Variants in SBNO2 observed in about 807,000 individuals in gnomAD.
SBNO2 encodes strawberry notch homolog 2, also known as protein strawberry notch homolog 2.
In SBNO2, 89 loss-of-function variants were observed where a neutral mutation model predicts 146.3. The observed-to-expected ratio is 0.61, with a 90% CI of 0.51 to 0.73. SBNO2 has a LOEUF of 0.73. Ranked by LOEUF, SBNO2 falls within the 30% of genes least tolerant of loss-of-function variation. SBNO2 has a pLI of 0.00. For synonymous variants in SBNO2, 1,147 were observed against 892.6 expected, an observed-to-expected ratio of 1.29 and a Z score of -5.08; for missense variants, 2,092 against 2,003.7, an observed-to-expected ratio of 1.04 and a Z score of -0.84.
chr19:1,109,043 T>C lies in SBNO2; in HGVS notation c.3426-74A>G. 6.7e-7 allele frequency: 1 copy of C among 1,501,948 alleles called. No individual in the cohort carries two copies. Among genetic ancestry groups the C allele is most frequent in the Non-Finnish European group, 8.9e-7 (1 of 1,125,752 alleles). The allele number at this position is 1,501,948 out of a possible 1,614,324, so 93.0% of individuals were successfully genotyped here. Reference sequence around the variant, plus strand: ...CAGGCTCCCCAGGTGCCCTGAGATCTCCCGCCTCCTCTCAGGGTCTCGGGA... The same window carrying C: ...CAGGCTCCCCAGGTGCCCTGAGATCCCCCGCCTCCTCTCAGGGTCTCGGGA... On this transcript the variant is annotated intron_variant, in intron 30 of 31. Coordinates refer to ENST00000361757, the MANE Select transcript of SBNO2 (RefSeq NM_014963.3). The surrounding 1 kb of genome is among the most constrained non-coding windows in gnomAD (Gnocchi z 4.2).
chr19:1,115,878 G>A (rs1332310485), intron 17 of SBNO2, 143 bp downstream of exon 17: 1 of 727,136 alleles, frequency 1.4e-6, no homozygotes, highest in Non-Finnish European at 2.4e-6. Flanking sequence ...TGGCAGCGGA[G>A]CCTTGAGCCT....
At chr19:1,127,518 T>C in intron 5 of SBNO2, 86 bp downstream of exon 5, 2 of 1,298,154 alleles carry the variant, frequency 1.5e-6, no homozygotes, top group South Asian at 2.4e-5. Context: ...TGGGGGAGAC[T>C]GAGACCTCAC....
intron 4 of SBNO2, among the ~76,000 whole-genome samples, chr19:1,146,303 G>A (rs532444297): frequency 8.0e-4 from 122 of 152,202 alleles, no homozygotes; most frequent in African/African-American, 2.8e-3. Flanking sequence ...GCTCTGCTAC[G>A]GCCCTGAGTG....
chr19:1,125,377 A>C (rs1015596707), intron 5 of SBNO2, among the ~76,000 whole-genome samples: 34 of 150,622 alleles, frequency 2.3e-4, no homozygotes, highest in Non-Finnish European at 4.6e-4. Context: ...AAAAAAAAAA[A>C]AAGTGAGCGT....
Position 1,116,812 on chromosome 19 carries a change from C to T in SBNO2, c.1802+17G>A, listed in dbSNP as rs1452309383. 5 of 1,567,546 alleles carry T rather than the reference C, an allele frequency of 3.2e-6. No individual in the cohort carries two copies. Among genetic ancestry groups the T allele is most frequent in the African/African-American group, 1.4e-5 (1 of 73,794 alleles). On this transcript the variant is annotated intron_variant, in intron 16 of 31. Coordinates refer to ENST00000361757, the MANE Select transcript of SBNO2 (RefSeq NM_014963.3). ...AGCGCAGGAAGCCCACAGTCCTGTCCCCACCGTGACACTTACTCAGCGGCC... is the reference window on the plus strand; with the variant it reads ...AGCGCAGGAAGCCCACAGTCCTGTCTCCACCGTGACACTTACTCAGCGGCC...
chr19:1,122,921 C>G lies in SBNO2; in HGVS notation c.753G>C (p.Gln251His). Residue 251 changes from glutamine (Q) to histidine (H), a missense_variant, in exon 8 of 32, where the codon CAG becomes CAC. Gln to His is a conservative substitution (Grantham distance 24). Transcript: ENST00000361757. ...GGCAGGCGTAGGTGATGGCCTCTAG[C>G]TGCAGGGCAGACAGGGCCCCGCTGT... ...PSDSGALSAL[Q>H]LEAITYACQQ... is the part of the protein sequence containing the mutation. 1 of 1,555,352 alleles carries G rather than the reference C, an allele frequency of 6.4e-7. No homozygotes were observed. The highest frequency in any genetic ancestry group is 8.7e-7 in the Non-Finnish European group (1 of 1,150,294).
rs1599822417 is a variant in SBNO2, at chr19:1,111,422, A to C, written c.2809+84T>G. On this transcript the variant is annotated intron_variant, in intron 24 of 31. Coordinates refer to ENST00000361757, the MANE Select transcript of SBNO2 (RefSeq NM_014963.3). ...GTCACTCAACACACAACCGGCCTACAAAGCCTGCTGCCCCAGCTGCTCTGG... is the reference window on the plus strand; with the variant it reads ...GTCACTCAACACACAACCGGCCTACCAAGCCTGCTGCCCCAGCTGCTCTGG... 4.1e-6 allele frequency: 4 copies of C among 977,434 alleles called. No homozygotes were observed. The East Asian group carries it at 1.1e-4, about 26-fold the overall frequency. 60.5% of individuals were successfully genotyped at this position (977,434 alleles called of 1,614,324 possible).
intron 12 of SBNO2, 135 bp from the exon 13 acceptor site, chr19:1,119,756 C>A: frequency 1.0e-6 from 1 of 977,326 alleles, no homozygotes. Context: ...GCCAGCGTGG[C>A]CTTGGGACAG....
chr19:1,111,779 G>A (rs528244947), intron 23 of SBNO2, among the ~76,000 whole-genome samples, 165 bp from the exon 24 acceptor site: 3 of 150,260 alleles, frequency 2.0e-5, no homozygotes, highest in East Asian at 3.9e-4. Flanking sequence ...CTCCCCGGGG[G>A]TCCTAGACTG....
At position 1,163,358 on chromosome 19, in the gene SBNO2, T is replaced by G. The variant is rs369947680; in HGVS notation, c.-126-8956A>C. On this transcript the variant is annotated intron_variant, in intron 1 of 31. Transcript: ENST00000361757. ...CAAGGGCGCCTGGAGCCCCGGAAGC[T>G]GGGAGGGGCAGGAAGGGTCCTCCCC... Among the ~76,000 whole-genome samples, 19 of 152,266 alleles carry G rather than the reference T, an allele frequency of 1.2e-4. No individual in the cohort carries two copies. The East Asian group carries it at 3.5e-3, about 28-fold the overall frequency.
Position 1,108,564 on chromosome 19 carries a change from G to C in SBNO2, c.3757C>G (p.Pro1253Ala). The change falls in exon 32 of 32, where the codon CCC (proline) becomes GCC (alanine). Residue 1253 changes from proline (P) to alanine (A), a missense_variant. Physicochemically the swap from Pro to Ala is conservative, Grantham distance 27. Transcript: ENST00000361757. ...APRPLALPCG[P>A]GEVLDLTYSP... ...TAGGTGAGGTCCAGCACCTCTCCGG[G>C]GCCGCAAGGCAGCGCCAGCGGGCGC... 1 of 1,250,730 alleles carries C rather than the reference G, an allele frequency of 8.0e-7. No homozygotes were observed. Among genetic ancestry groups the C allele is most frequent in the Non-Finnish European group, 1.0e-6 (1 of 999,224 alleles). 77.5% of individuals were successfully genotyped at this position (1,250,730 alleles called of 1,614,324 possible). A position where few individuals can be genotyped will look rare whatever the true frequency, so the allele number is the denominator to read the frequency against.
chr19:1,109,361 C>T lies in SBNO2; in HGVS notation c.3279G>A (p.Val1093=), dbSNP rs1054165729. The T allele has an allele frequency of 6.9e-6, 11 of 1,588,128 alleles. No individual in the cohort carries two copies. In the East Asian group the frequency reaches 2.3e-4, roughly 33 times the overall value. The change falls in exon 29 of 32, where the codon GTG becomes GTA. Residue 1093 remains valine (V), a synonymous_variant. Coordinates refer to ENST00000361757, the MANE Select transcript of SBNO2 (RefSeq NM_014963.3). The surrounding 1 kb of genome is among the most constrained non-coding windows in gnomAD (Gnocchi z 4.2). ...AEQNRGQFFT[V]YKPNIGRQSQ... is the part of the protein sequence containing the mutation. ...TCTGCCGGCCGATGTTGGGCTTGTACACCGTGAAGAACTGGCCGCGGTTCT... is the reference window on the plus strand; with the variant it reads ...TCTGCCGGCCGATGTTGGGCTTGTATACCGTGAAGAACTGGCCGCGGTTCT...
At chr19:1,114,209 G>C (rs1278452445) in intron 18 of SBNO2, 22 bp downstream of exon 18, 1 of 1,425,410 alleles carries the variant, frequency 7.0e-7, no homozygotes, top group Non-Finnish European at 9.2e-7. Flanking sequence ...CAGGTGGCTG[G>C]CCAGCCTGGG....
At chr19:1,165,275 C>A (rs2080402049) in intron 1 of SBNO2, among the ~76,000 whole-genome samples, 1 of 152,172 alleles carries the variant, frequency 6.6e-6, no homozygotes, top group Non-Finnish European at 1.5e-5. Flanking sequence ...CGAATGCAGG[C>A]CTGGAAAGGG....
Position 1,112,594 on chromosome 19 carries a change from C to G in SBNO2, c.2380-57G>C, listed in dbSNP as rs546791850. 1.3e-6 allele frequency: 2 copies of G among 1,516,734 alleles called. No individual in the cohort carries two copies. Among genetic ancestry groups the G allele is most frequent in the Admixed American group, 4.1e-5 (2 of 49,254 alleles). The allele number at this position is 1,516,734 out of a possible 1,614,324, so 94.0% of individuals were successfully genotyped here. A position where few individuals can be genotyped will look rare whatever the true frequency, so the allele number is the denominator to read the frequency against. On this transcript the variant is annotated intron_variant, in intron 20 of 31. Transcript: ENST00000361757. The surrounding 1 kb of genome is among the most constrained non-coding windows in gnomAD (Gnocchi z 5.9). ...GGTGCAAGGCCCGCCCCAGCGTTGC[C>G]GCCACCTCCTCACCCACTAGGCCCC...
At chr19:1,146,516 T>C (rs2080191310) in intron 4 of SBNO2, among the ~76,000 whole-genome samples, 1 of 151,952 alleles carries the variant, frequency 6.6e-6, no homozygotes, top group Admixed American at 6.6e-5. Flanking sequence ...AAGCGGAGGC[T>C]TGGGGGAGCT....
rs1260520791 is a variant in SBNO2, at chr19:1,140,286, C to G, written c.279+7023G>C. ...CTGCACTCCAGCCTGGGCGACAGAG[C>G]GAGATTTCATCTCAAAAAAAAAAAA... On this transcript the variant is annotated intron_variant, in intron 4 of 31. Transcript: ENST00000361757. This position sits in a 1 kb window ranked among gnomAD's most constrained non-coding sequence, Gnocchi z 4.4. Among the ~76,000 whole-genome samples, 1 of 149,406 alleles carries G rather than the reference C, an allele frequency of 6.7e-6. No individual in the cohort carries two copies. The highest frequency in any genetic ancestry group is 2.5e-5 in the African/African-American group (1 of 40,468).
Position 1,124,015 on chromosome 19 carries a change from T to G in SBNO2, c.449A>C (p.Gln150Pro), listed in dbSNP as rs1346270486. The G allele has an allele frequency of 6.2e-6, 10 of 1,610,682 alleles. No individual in the cohort carries two copies. Among genetic ancestry groups the G allele is most frequent in the Non-Finnish European group, 8.5e-6 (10 of 1,178,944 alleles). ...GAAGCCTGCAAACGGCCTGCTGAGC[T>G]GGAACAGCTGGAAGGGGAGCAGGAT... ...PAPSTHDKLF[Q>P]LSRPFAGFED... The change falls in exon 6 of 32, where the codon CAG becomes CCG. Residue 150 changes from glutamine (Q) to proline (P), a missense_variant. Physicochemically the swap from Gln to Pro is moderately conservative, Grantham distance 76. Transcript: ENST00000361757.
intron 4 of SBNO2, chr19:1,128,134 G>A (rs1485782333): frequency 1.6e-5 from 8 of 485,502 alleles, no homozygotes; most frequent in African/African-American, 5.8e-5. Context: ...GTGAGACTCC[G>A]TCTCAAAAAA....
Sources: allele counts gnomAD v4.1 joint callset (sites outside exome capture counted in the v4.1 genomes callset), GRCh38; gene constraint gnomAD v4.1.1; non-coding constraint Gnocchi (gnomAD v3.1); transcripts MANE v1.5; gene names NCBI Gene and HGNC (gene_info 2026-07-23, HGNC 2026-07-21).